Variants in SENP1 observed in about 807,000 individuals in gnomAD.
SENP1 encodes sentrin-specific protease 1.
SENP1 carries 21 observed loss-of-function variants against 93.0 expected under a neutral mutation model. That is an observed-to-expected ratio of 0.23 (90% CI 0.16 to 0.33). The LOEUF is 0.33. SENP1 is among the 10% of genes least tolerant of loss of function. The probability of loss-of-function intolerance (pLI) is 1.00; values close to 1 mark genes in which losing one functional copy is unlikely to be tolerated. For missense variants in SENP1, 591 were observed against 758.7 expected (o/e 0.78, Z 2.60); for synonymous variants, 256 against 259.6 (o/e 0.99, Z 0.13).
chr12:48,104,102 T>C (rs1946174225), intron 1 of SENP1, among the ~76,000 whole-genome samples: 1 of 151,418 alleles, frequency 6.6e-6, no homozygotes, highest in Non-Finnish European at 1.5e-5. Flanking sequence ...TCCCAGCTAC[T>C]CGGGAGGCTG....
chr12:48,078,124 G>C (rs976850753), intron 6 of SENP1, among the ~76,000 whole-genome samples: 3 of 151,110 alleles, frequency 2.0e-5, no homozygotes, highest in African/African-American at 7.3e-5. Flanking sequence ...TCAGTATGTA[G>C]GTCTTTTACT....
intron 4 of SENP1, chr12:48,089,230 T>G (rs1452563060): frequency 6.9e-7 from 1 of 1,450,404 alleles, no homozygotes; most frequent in South Asian, 1.1e-5. Flanking sequence ...TGTGACTCCG[T>G]GGTGTCCACC....
intron 9 of SENP1, among the ~76,000 whole-genome samples, chr12:48,067,343 T>C (rs1338762093): frequency 6.6e-6 from 1 of 152,154 alleles, no homozygotes; most frequent in African/African-American, 2.4e-5. Context: ...ATTGAAAGAT[T>C]TATTAAAAAT....
chr12:48,077,807 TCC>T (rs909777241), intron 6 of SENP1, among the ~76,000 whole-genome samples: 1 of 152,122 alleles, frequency 6.6e-6, no homozygotes, highest in African/African-American at 2.4e-5. Flanking sequence ...GATGTCTATT[TCC>T]AATACCATGC....
At position 48,046,245 on chromosome 12, in the gene SENP1, G is replaced by A; in HGVS notation, c.1872+111C>T. 3 of 691,736 alleles carry A rather than the reference G, an allele frequency of 4.3e-6. No individual in the cohort carries two copies. The South Asian group carries it at 5.5e-5, about 13-fold the overall frequency. 42.8% of individuals were successfully genotyped at this position (691,736 alleles called of 1,614,324 possible). A position where few individuals can be genotyped will look rare whatever the true frequency, so the allele number is the denominator to read the frequency against. On this transcript the variant is annotated intron_variant, in intron 17 of 17. Coordinates refer to ENST00000549518, the MANE Select transcript of SENP1 (RefSeq NM_001267594.2). ...TGTTATGAATCATGGGCTGAAGCAT[G>A]CTAAAGGTTAGGGTAGAGGCCCCTA...
chr12:48,069,624 T>TA (rs1943544335), intron 9 of SENP1, among the ~76,000 whole-genome samples: 1 of 152,168 alleles, frequency 6.6e-6, no homozygotes, highest in Non-Finnish European at 1.5e-5. Context: ...CTTATAAAAA[T>TA]AAGTGTTTTA....
chr12:48,100,098 A>C (rs1438685621), intron 2 of SENP1, among the ~76,000 whole-genome samples: 1 of 152,212 alleles, frequency 6.6e-6, no homozygotes, highest in Non-Finnish European at 1.5e-5. Context: ...GCTAATGTGA[A>C]TGTAAAAGGA....
Position 48,045,316 on chromosome 12 carries a change from C to G in SENP1, c.*6G>C, listed in dbSNP as rs772450502. On this transcript the variant is annotated 3_prime_UTR_variant, in exon 18 of 18. Transcript: ENST00000549518. ...CATGGTCAAGGTCTGCTAAGTGAGA[C>G]AGTCTTCACAAGAGTTTTCGGTGGA... The G allele has an allele frequency of 2.0e-5, 33 of 1,612,756 alleles. No individual in the cohort carries two copies. Among genetic ancestry groups the G allele is most frequent in the Non-Finnish European group, 2.2e-5 (26 of 1,179,050 alleles).
At chr12:48,073,623 C>T (rs1309307390) in intron 8 of SENP1, among the ~76,000 whole-genome samples, 1 of 152,162 alleles carries the variant, frequency 6.6e-6, no homozygotes, top group Non-Finnish European at 1.5e-5. Flanking sequence ...CCTTAATTAA[C>T]TGGAATGCAA....
At chr12:48,074,211 G>A (rs529242689) in intron 8 of SENP1, 113 bp downstream of exon 8, 706 of 927,416 alleles carry the variant, frequency 7.6e-4, no homozygotes, top group East Asian at 6.3e-3. Flanking sequence ...CATATTTTCA[G>A]ATTCGGTATG....
intron 5 of SENP1, among the ~76,000 whole-genome samples, chr12:48,087,112 G>A (rs929686529): frequency 7.2e-5 from 11 of 152,026 alleles, no homozygotes; most frequent in African/African-American, 2.7e-4. Flanking sequence ...AAGTGACAAA[G>A]CCAATAACTT....
chr12:48,046,366 T>C lies in SENP1; in HGVS notation c.1862A>G (p.Asn621Ser), dbSNP rs1179877358. 6.2e-6 allele frequency: 10 copies of C among 1,611,570 alleles called. No individual in the cohort carries two copies. In the South Asian group the frequency reaches 7.7e-5, roughly 12 times the overall value. ...GAAGGCTCAGCTCACCTGTGTGAAG[T>C]TGATTGGTCTGTCTTTGGTAATACA... is the stretch of plus-strand genomic sequence containing the variant. ...ADCITKDRPI[N>S]FTQQHMPYFR... The change falls in exon 17 of 18, where the codon AAC becomes AGC. Residue 621 changes from asparagine (N) to serine (S), a missense_variant. Asn to Ser is a conservative substitution (Grantham distance 46). This residue lies in a region of SENP1 where 132 missense variants were observed against 230.1 expected (regional missense o/e 0.57). Coordinates refer to ENST00000549518, the MANE Select transcript of SENP1 (RefSeq NM_001267594.2).
chr12:48,101,336 G>T, intron 2 of SENP1, 133 bp downstream of exon 2: 1 of 706,726 alleles, frequency 1.4e-6, no homozygotes, highest in Non-Finnish European at 2.4e-6. Flanking sequence ...TACATAATTA[G>T]GATTAAAATT....
intron 13 of SENP1, among the ~76,000 whole-genome samples, chr12:48,056,308 A>T (rs1942323867): frequency 9.9e-6 from 1 of 101,378 alleles, no homozygotes; most frequent in Non-Finnish European, 1.7e-5. Flanking sequence ...TATTTAATAT[A>T]TTACATATCA....
intron 3 of SENP1, among the ~76,000 whole-genome samples, chr12:48,096,739 A>G (rs926920907): frequency 6.6e-6 from 1 of 152,196 alleles, no homozygotes; most frequent in Non-Finnish European, 1.5e-5. Context: ...TACAGGCGTG[A>G]GCCACCGCGC....
At chr12:48,091,572 T>A (rs1350521578) in intron 4 of SENP1, among the ~76,000 whole-genome samples, 1 of 152,212 alleles carries the variant, frequency 6.6e-6, no homozygotes, top group Non-Finnish European at 1.5e-5. Flanking sequence ...CTACCAAGTA[T>A]CATTCTGGTA....
intron 13 of SENP1, among the ~76,000 whole-genome samples, chr12:48,063,462 A>C (rs982662543): frequency 1.3e-5 from 2 of 152,190 alleles, no homozygotes; most frequent in Non-Finnish European, 2.9e-5. Flanking sequence ...GTCTTCTTCA[A>C]TGTTCAAATC....
intron 6 of SENP1, among the ~76,000 whole-genome samples, chr12:48,077,403 A>G (rs943884913): frequency 2.0e-5 from 3 of 152,260 alleles, no homozygotes; most frequent in African/African-American, 2.4e-5. Context: ...TTCTAGTCTT[A>G]AAGTCTTTAT....
chr12:48,046,697 A>G (rs1311317401), intron 16 of SENP1, among the ~76,000 whole-genome samples: 2 of 152,096 alleles, frequency 1.3e-5, no homozygotes, highest in East Asian at 3.9e-4. Flanking sequence ...GGGTATAAAA[A>G]CTGCTCCCTC....
Sources: allele counts gnomAD v4.1 joint callset (sites outside exome capture counted in the v4.1 genomes callset), GRCh38; gene constraint gnomAD v4.1.1; regional missense constraint gnomAD v4.1.1; transcripts MANE v1.5; gene names NCBI Gene and HGNC (gene_info 2026-07-23, HGNC 2026-07-21).